Variants in ATRNL1 observed in about 807,000 individuals in gnomAD.
The protein encoded by ATRNL1 is attractin like 1.
ATRNL1 carries 95 observed loss-of-function variants against 182.7 expected under a neutral mutation model. The ratio of observed to expected loss-of-function variants is 0.52; its 90% CI spans 0.44 to 0.62. The LOEUF is 0.62. ATRNL1 is among the 20% of genes least tolerant of loss of function. ATRNL1 has a pLI of 0.00. For synonymous variants in ATRNL1, 576 were observed against 568.3 expected (o/e 1.01, Z -0.19); for missense variants, 1,471 against 1,679.5 (o/e 0.88, Z 2.17).
intron 26 of ATRNL1, among the ~76,000 whole-genome samples, chr10:115,599,870 C>G (rs187369286): frequency 5.9e-5 from 9 of 152,182 alleles, no homozygotes; most frequent in Non-Finnish European, 1.2e-4. Context: ...TTTAACTGTA[C>G]AGCTTAATGA....
At chr10:115,792,034 G>A (rs1949543426) in intron 27 of ATRNL1, among the ~76,000 whole-genome samples, 1 of 152,038 alleles carries the variant, frequency 6.6e-6, no homozygotes, top group African/African-American at 2.4e-5. Flanking sequence ...GTTATCCCAT[G>A]TACAATTTCC....
intron 21 of ATRNL1, among the ~76,000 whole-genome samples, chr10:115,452,646 C>A (rs1847334941): frequency 6.6e-6 from 1 of 152,056 alleles, no homozygotes; most frequent in Non-Finnish European, 1.5e-5. Context: ...ACAATCAAGA[C>A]TATAAATATA....
intron 26 of ATRNL1, among the ~76,000 whole-genome samples, chr10:115,582,194 G>T (rs1458682328): frequency 6.4e-5 from 9 of 140,874 alleles, no homozygotes; most frequent in African/African-American, 1.8e-4. Context: ...AAATAGTGCC[G>T]CAGTAAACAT....
intron 18 of ATRNL1, among the ~76,000 whole-genome samples, chr10:115,323,217 C>G (rs1022225455): frequency 6.6e-6 from 1 of 152,048 alleles, no homozygotes; most frequent in Non-Finnish European, 1.5e-5. Context: ...TATAATCTGT[C>G]AGTCTATCTT....
intron 10 of ATRNL1, among the ~76,000 whole-genome samples, chr10:115,242,607 A>G (rs1400048947): frequency 2.0e-5 from 3 of 152,172 alleles, no homozygotes; most frequent in Middle Eastern, 3.4e-3. Context: ...TGTAAGAAGT[A>G]TACTTTTTCT....
At chr10:115,370,700 A>G (rs1395669283) in intron 19 of ATRNL1, among the ~76,000 whole-genome samples, 2 of 152,202 alleles carry the variant, frequency 1.3e-5, no homozygotes, top group Non-Finnish European at 2.9e-5. Context: ...AAACAGCATA[A>G]AAGTTTGGAA....
rs12220971 is a variant in ATRNL1 at position 115,694,982 on chromosome 10, A to G, written c.3796-32266A>G. Among the ~76,000 whole-genome samples the G allele has an allele frequency of 2.0e-3, 300 of 150,968 alleles. 8 individuals are homozygous for G. In the East Asian group the frequency reaches 0.054, roughly 27 times the overall value. ...ACACAGAGTATCTTCATCCATTTTT[A>G]TGACTCCTTAGAGATAAAAGGGGTT... On this transcript the variant is annotated intron_variant, in intron 26 of 28. Coordinates refer to ENST00000355044, the MANE Select transcript of ATRNL1 (RefSeq NM_207303.4).
chr10:115,530,597 A>C (rs2133743818), intron 25 of ATRNL1, among the ~76,000 whole-genome samples: 1 of 152,252 alleles, frequency 6.6e-6, no homozygotes, highest in South Asian at 2.1e-4. Flanking sequence ...AAAGTTAAGT[A>C]TAGTGTTCAT....
At position 115,868,822 on chromosome 10, in the gene ATRNL1, C is replaced by CTT. The variant is rs67676674; in HGVS notation, c.4018+20855_4018+20856dup. Among the ~76,000 whole-genome samples, 114 of 58,074 alleles carry CTT rather than the reference C, an allele frequency of 2.0e-3. 2 individuals are homozygous for CTT. Among genetic ancestry groups the CTT allele is most frequent in the African/African-American group, 6.3e-3 (105 of 16,640 alleles). The allele number at this position is 58,074 out of a possible 152,430, so 38.1% of individuals were successfully genotyped here. Reference sequence around the variant, plus strand: ...ATATATCTGGTGGCAAGTCTTTATTCTTTTTTTTTTTTTTTTTTTTTTTTT... The same window carrying CTT: ...ATATATCTGGTGGCAAGTCTTTATTCTTTTTTTTTTTTTTTTTTTTTTTTTTT... On this transcript the variant is annotated intron_variant, in intron 28 of 28. Coordinates refer to ENST00000355044, the MANE Select transcript of ATRNL1 (RefSeq NM_207303.4).
intron 8 of ATRNL1, among the ~76,000 whole-genome samples, chr10:115,183,477 G>A (rs782170851): frequency 6.6e-6 from 1 of 151,124 alleles, no homozygotes; most frequent in Non-Finnish European, 1.5e-5. Context: ...AGAAACAAGA[G>A]AGCAAGCACA....
At position 115,829,691 on chromosome 10, in the gene ATRNL1, G is replaced by T. The variant is rs57377973; in HGVS notation, c.3904-18186G>T. Among the ~76,000 whole-genome samples, 498 of 152,060 alleles carry T rather than the reference G, an allele frequency of 3.3e-3. 1 individual carries two copies. Among genetic ancestry groups the T allele is most frequent in the African/African-American group, 0.011 (463 of 41,478 alleles). ...GCCACCAAGGAATTCCACTTCAGTA[G>T]TTGCAAAATCAAGGGATTTTCTTTT... On this transcript the variant is annotated intron_variant, in intron 27 of 28. Transcript: ENST00000355044.
intron 19 of ATRNL1, among the ~76,000 whole-genome samples, chr10:115,357,351 A>C (rs1174646213): frequency 6.6e-6 from 1 of 151,844 alleles, no homozygotes; most frequent in Non-Finnish European, 1.5e-5. Flanking sequence ...ATATTTGTAC[A>C]ATTTTTTCAA....
chr10:115,542,915 G>A (rs1222179040), intron 25 of ATRNL1, among the ~76,000 whole-genome samples: 2 of 152,048 alleles, frequency 1.3e-5, no homozygotes, highest in African/African-American at 4.8e-5. Flanking sequence ...AAGTTCTTTG[G>A]TGTCTCTCCT....
At chr10:115,740,533 A>C (rs1593152857) in intron 27 of ATRNL1, among the ~76,000 whole-genome samples, 1 of 151,716 alleles carries the variant, frequency 6.6e-6, no homozygotes, top group South Asian at 2.1e-4. Context: ...TTTGAGACGG[A>C]GTCTTGCTCT....
chr10:115,468,426 A>T (rs1471517063), intron 23 of ATRNL1, among the ~76,000 whole-genome samples: 1 of 150,856 alleles, frequency 6.6e-6, no homozygotes, highest in Admixed American at 6.6e-5. Context: ...AAATGTACAC[A>T]AGGTGATTAT....
chr10:115,167,728 G>A (rs1318543011), intron 7 of ATRNL1, among the ~76,000 whole-genome samples: 1 of 152,022 alleles, frequency 6.6e-6, no homozygotes, highest in African/African-American at 2.4e-5. Flanking sequence ...GTATTTCTAT[G>A]TATGAAAACA....
At chr10:115,147,060 A>G (rs187916115) in intron 5 of ATRNL1, among the ~76,000 whole-genome samples, 9 of 152,278 alleles carry the variant, frequency 5.9e-5, no homozygotes, top group African/African-American at 1.9e-4. Context: ...ACTGTTTACC[A>G]TAGTGGCTGT....
intron 20 of ATRNL1, among the ~76,000 whole-genome samples, chr10:115,417,835 T>G (rs1422790803): frequency 6.6e-6 from 1 of 152,154 alleles, no homozygotes; most frequent in African/African-American, 2.4e-5. Context: ...TTGTGGCAGA[T>G]ATGGGCTTAG....
At chr10:115,478,322 C>A (rs1554973536) in intron 24 of ATRNL1, among the ~76,000 whole-genome samples, 2 of 151,728 alleles carry the variant, frequency 1.3e-5, no homozygotes, top group African/African-American at 4.8e-5. Context: ...GCCGTCTCAT[C>A]TGAGGCAGAA....
Sources: allele counts gnomAD v4.1 joint callset (sites outside exome capture counted in the v4.1 genomes callset), GRCh38; gene constraint gnomAD v4.1.1; transcripts MANE v1.5; gene names NCBI Gene and HGNC (gene_info 2026-07-23, HGNC 2026-07-21).